The following RAP1GDS1 variants were observed in gnomAD, a reference collection of about 807,000 sequenced individuals.
RAP1GDS1 encodes Rap1 GTPase-GDP dissociation stimulator 1, also known as RAP1, GTP-GDP dissociation stimulator 1.
Under a neutral mutation model 71.1 loss-of-function variants are expected in RAP1GDS1, and 35 were observed. The observed-to-expected ratio is 0.49, with a 90% CI of 0.38 to 0.65. The LOEUF is 0.65. Among genes scored for constraint, RAP1GDS1 ranks in the 30% least tolerant of loss-of-function variants. The pLI is 0.00. For synonymous variants in RAP1GDS1, 229 were observed against 243.1 expected (o/e 0.94, Z 0.54); for missense variants, 663 against 706.1 (o/e 0.94, Z 0.69).
intron 3 of RAP1GDS1, among the ~76,000 whole-genome samples, chr4:98,351,992 A>G (rs1040020977): frequency 8.0e-5 from 12 of 150,596 alleles, no homozygotes; most frequent in Non-Finnish European, 1.8e-4. Flanking sequence ...ACCTTTATAC[A>G]TATGTATATA....
intron 2 of RAP1GDS1, among the ~76,000 whole-genome samples, chr4:98,335,209 CTGT>C: frequency 6.6e-6 from 1 of 152,164 alleles, no homozygotes; most frequent in South Asian, 2.1e-4. Context: ...TATGTCAGGA[CTGT>C]TGTTTTAGGT....
At chr4:98,282,655 C>T (rs1402917111) in intron 1 of RAP1GDS1, among the ~76,000 whole-genome samples, 5 of 150,208 alleles carry the variant, frequency 3.3e-5, no homozygotes, top group Non-Finnish European at 7.4e-5. Context: ...CTCTTGCCTT[C>T]TGCTAGCTTT....
rs765722386 is a variant in RAP1GDS1 at position 98,442,148 on chromosome 4, T to C, written c.*31T>C. On this transcript the variant is annotated 3_prime_UTR_variant, in exon 15 of 15. Transcript: ENST00000408927. ...GCCCGATACACGGCATCATCCCATC[T>C]CTAATTTCCCCTCTGTCCTCCATCC... 8.7e-6 allele frequency: 14 copies of C among 1,605,992 alleles called. No individual in the cohort carries two copies. Among genetic ancestry groups the C allele is most frequent in the South Asian group, 7.7e-5 (7 of 90,814 alleles).
At chr4:98,267,782 A>G (rs530203461) in intron 1 of RAP1GDS1, among the ~76,000 whole-genome samples, 5 of 152,074 alleles carry the variant, frequency 3.3e-5, no homozygotes, top group Middle Eastern at 3.4e-3. Context: ...TGTCTTTGTT[A>G]TTGTGAATAG....
At chr4:98,377,945 T>G (rs1741409148) in intron 4 of RAP1GDS1, among the ~76,000 whole-genome samples, 1 of 151,834 alleles carries the variant, frequency 6.6e-6, no homozygotes, top group Admixed American at 6.6e-5. Flanking sequence ...AACACTTGGA[T>G]TTTGAAGATA....
intron 4 of RAP1GDS1, among the ~76,000 whole-genome samples, chr4:98,360,225 C>T (rs546708158): frequency 3.3e-5 from 5 of 152,146 alleles, no homozygotes; most frequent in East Asian, 1.9e-4. Flanking sequence ...ATAGTAATTT[C>T]GAGTAATTGT....
rs1413731601 is a variant in RAP1GDS1, at chr4:98,417,507, A to G, written c.1039+9A>G. The G allele has an allele frequency of 6.8e-6, 11 of 1,612,126 alleles. No homozygotes were observed. The highest frequency in any genetic ancestry group is 9.3e-6 in the Non-Finnish European group (11 of 1,178,688). ...AAATTTTGCCAGAAATGGTAAGCAT[A>G]TTAGTTCCTCCTTTGTTAGTCAAAT... is the stretch of plus-strand genomic sequence containing the variant. On this transcript the variant is annotated intron_variant, in intron 9 of 14. Transcript: ENST00000408927.
chr4:98,300,256 A>G (rs1185671867), intron 2 of RAP1GDS1, among the ~76,000 whole-genome samples: 2 of 152,232 alleles, frequency 1.3e-5, no homozygotes, highest in Non-Finnish European at 2.9e-5. Flanking sequence ...ATCATCCAGC[A>G]GCAAAAAGTT....
intron 1 of RAP1GDS1, among the ~76,000 whole-genome samples, chr4:98,288,295 C>T (rs981199541): frequency 2.0e-5 from 3 of 152,038 alleles, no homozygotes; most frequent in South Asian, 2.1e-4. Context: ...GGTTTTTTGT[C>T]CTTGCCATAG....
Position 98,312,926 on chromosome 4 carries a change from G to A in RAP1GDS1, c.112+19411G>A, listed in dbSNP as rs75795074. ...CTAGTAAAAGTACAAAAAATTAGTC[G>A]GGCGAGGTGGCAGGCGCCTGTAGTC... On this transcript the variant is annotated intron_variant, in intron 2 of 14. Coordinates refer to ENST00000408927, the MANE Select transcript of RAP1GDS1 (RefSeq NM_001100427.2). 1.6e-4 allele frequency among the ~76,000 whole-genome samples: 25 copies of A among 151,646 alleles called. 1 individual carries two copies. In the East Asian group the frequency reaches 4.3e-3, roughly 26 times the overall value.
At chr4:98,360,290 G>C (rs1272865990) in intron 4 of RAP1GDS1, among the ~76,000 whole-genome samples, 4 of 152,040 alleles carry the variant, frequency 2.6e-5, no homozygotes, top group African/African-American at 9.7e-5. Context: ...TATTGCACGT[G>C]GCAAAAATAT....
intron 4 of RAP1GDS1, among the ~76,000 whole-genome samples, chr4:98,359,327 G>T (rs1386273944): frequency 6.6e-6 from 1 of 152,074 alleles, no homozygotes; most frequent in African/African-American, 2.4e-5. Context: ...ATGAACTCAA[G>T]TAAACAGGTT....
chr4:98,269,814 A>G (rs1166844218), intron 1 of RAP1GDS1, among the ~76,000 whole-genome samples: 1 of 152,168 alleles, frequency 6.6e-6, no homozygotes, highest in Non-Finnish European at 1.5e-5. Context: ...CAAAATCTGA[A>G]TAATTTCAAA....
intron 1 of RAP1GDS1, among the ~76,000 whole-genome samples, chr4:98,270,424 A>G (rs1279435042): frequency 6.6e-6 from 1 of 152,178 alleles, no homozygotes; most frequent in Non-Finnish European, 1.5e-5. Flanking sequence ...GGTAATGTAT[A>G]CTTGAGGTAG....
At chr4:98,387,594 C>T (rs1742960281) in intron 5 of RAP1GDS1, 1 of 378,720 alleles carries the variant, frequency 2.6e-6, no homozygotes, top group African/African-American at 2.1e-5. Flanking sequence ...GCCTTTCTTC[C>T]TCTTCCTCCC....
At chr4:98,367,713 T>C (rs1378022588) in intron 4 of RAP1GDS1, among the ~76,000 whole-genome samples, 1 of 152,230 alleles carries the variant, frequency 6.6e-6, no homozygotes, top group Non-Finnish European at 1.5e-5. Context: ...CTTTAAGATT[T>C]GACTGCCCTG....
At chr4:98,343,332 TATTA>T in intron 3 of RAP1GDS1, 71 bp downstream of exon 3, 1 of 1,481,546 alleles carries the variant, frequency 6.7e-7, no homozygotes, top group Non-Finnish European at 9.3e-7. Context: ...CAGTATGCTT[TATTA>T]ATTTATGTTT....
intron 3 of RAP1GDS1, among the ~76,000 whole-genome samples, chr4:98,344,693 AAG>A: frequency 6.6e-6 from 1 of 152,344 alleles, no homozygotes. Context: ...GAGGCTGATA[AAG>A]GGCATATCAC....
chr4:98,340,891 A>AGAT (rs989569318), intron 2 of RAP1GDS1, among the ~76,000 whole-genome samples: 3 of 152,142 alleles, frequency 2.0e-5, no homozygotes, highest in African/African-American at 7.2e-5. Context: ...GGTGGGAGGA[A>AGAT]GATGAGTATT....
Sources: gnomAD v4.1 joint callset for allele counts (sites outside exome capture counted in the v4.1 genomes callset) on GRCh38, gnomAD v4.1.1 for gene constraint, MANE v1.5 for transcripts, NCBI Gene and HGNC (gene_info 2026-07-23, HGNC 2026-07-21) for gene names.